The following PTPN9 variants were observed in gnomAD, a reference collection of about 807,000 sequenced individuals.
PTPN9 encodes tyrosine-protein phosphatase non-receptor type 9.
Under a neutral mutation model 69.8 loss-of-function variants are expected in PTPN9, and 26 were observed. The observed-to-expected ratio is 0.37, with a 90% CI of 0.27 to 0.52. The LOEUF is 0.52. Ranked by LOEUF, PTPN9 falls within the 20% of genes least tolerant of loss-of-function variation. The probability of loss-of-function intolerance (pLI) is 0.91; values close to 1 mark genes in which losing one functional copy is unlikely to be tolerated. For synonymous variants in PTPN9, 274 were observed against 272.5 expected (o/e 1.01, Z -0.05); for missense variants, 549 against 740.3 (o/e 0.74, Z 3.00).
At chr15:75,547,175 G>A (rs952670178) in intron 1 of PTPN9, among the ~76,000 whole-genome samples, 2 of 151,194 alleles carry the variant, frequency 1.3e-5, no homozygotes, top group African/African-American at 4.9e-5. Flanking sequence ...TGCACCTGTA[G>A]TCCTAGCTAC....
At chr15:75,485,560 C>T (rs1215929650) in intron 8 of PTPN9, among the ~76,000 whole-genome samples, 13 of 148,520 alleles carry the variant, frequency 8.8e-5, no homozygotes, top group South Asian at 4.3e-4. Flanking sequence ...TTAGTAGAGA[C>T]GGGGTTTCAC....
intron 1 of PTPN9, among the ~76,000 whole-genome samples, chr15:75,576,552 G>A (rs2075174614): frequency 6.6e-6 from 1 of 151,438 alleles, no homozygotes; most frequent in Non-Finnish European, 1.5e-5. Flanking sequence ...ACTCACGACT[G>A]TAATCCCAGC....
At chr15:75,513,899 G>A (rs1441341170) in intron 5 of PTPN9, among the ~76,000 whole-genome samples, 1 of 151,626 alleles carries the variant, frequency 6.6e-6, no homozygotes, top group Non-Finnish European at 1.5e-5. Context: ...AGGAGTTAGA[G>A]TCTAGCCTGG....
chr15:75,569,649 G>A (rs2075140207), intron 1 of PTPN9, among the ~76,000 whole-genome samples: 1 of 141,020 alleles, frequency 7.1e-6, no homozygotes, highest in Non-Finnish European at 1.5e-5. Context: ...AGGTTGCAGT[G>A]AGCGGAGATA....
At chr15:75,485,544 AT>A (rs1288056979) in intron 8 of PTPN9, among the ~76,000 whole-genome samples, 5 of 146,088 alleles carry the variant, frequency 3.4e-5, no homozygotes, top group African/African-American at 1.3e-4. Flanking sequence ...AATTTTTTGT[AT>A]TTTTTTAGTA....
chr15:75,551,463 G>T (rs1018213279), intron 1 of PTPN9, among the ~76,000 whole-genome samples: 1 of 152,126 alleles, frequency 6.6e-6, no homozygotes, highest in African/African-American at 2.4e-5. Flanking sequence ...GGGTTCAAGT[G>T]ATTCTCCTGC....
At chr15:75,490,852 C>T (rs982529939) in intron 7 of PTPN9, among the ~76,000 whole-genome samples, 6 of 152,066 alleles carry the variant, frequency 3.9e-5, no homozygotes, top group African/African-American at 1.4e-4. Context: ...GTCTCGATCT[C>T]CTGACCTCAT....
chr15:75,554,356 G>T (rs1004137835), intron 1 of PTPN9, among the ~76,000 whole-genome samples: 15 of 151,936 alleles, frequency 9.9e-5, no homozygotes, highest in Admixed American at 3.3e-4. Flanking sequence ...CACCACGCCC[G>T]GCTAATTTTG....
intron 8 of PTPN9, among the ~76,000 whole-genome samples, chr15:75,484,445 C>T (rs905163892): frequency 6.6e-6 from 1 of 152,214 alleles, no homozygotes; most frequent in Non-Finnish European, 1.5e-5. Flanking sequence ...TGCAAAGCAA[C>T]TTCCAGTCAA....
At chr15:75,563,359 T>C (rs180902457) in intron 1 of PTPN9, among the ~76,000 whole-genome samples, 2 of 152,110 alleles carry the variant, frequency 1.3e-5, no homozygotes, top group South Asian at 4.1e-4. Context: ...CAGCTAACTT[T>C]GGTATTTTTA....
At chr15:75,551,322 C>T (rs2075055727) in intron 1 of PTPN9, among the ~76,000 whole-genome samples, 1 of 152,104 alleles carries the variant, frequency 6.6e-6, no homozygotes, top group South Asian at 2.1e-4. Flanking sequence ...CATGATACAA[C>T]CAAGATTGCA....
chr15:75,480,579 T>A (rs1480841801), intron 8 of PTPN9: 6 of 926,484 alleles, frequency 6.5e-6, no homozygotes, highest in African/African-American at 1.8e-5. Context: ...CGGGTGGTGG[T>A]TGGCGCGGCT....
chr15:75,530,728 TATATATTATTATATAATATATATAATATA>T (rs2074957352), intron 1 of PTPN9, among the ~76,000 whole-genome samples: 3 of 22,252 alleles, frequency 1.3e-4, no homozygotes, highest in Non-Finnish European at 1.9e-4. Flanking sequence ...ATATATATAA[TATATATTATTATATAATATATATAATATA>T]ATATATTATT....
chr15:75,524,133 A>AAAC, intron 3 of PTPN9, 76 bp downstream of exon 3: 1 of 722,924 alleles, frequency 1.4e-6, no homozygotes, highest in African/African-American at 1.8e-5. Context: ...AAAAAAAAAA[A>AAAC]AAACAAAGTC....
At chr15:75,515,235 G>A (rs1444493877) in intron 5 of PTPN9, among the ~76,000 whole-genome samples, 1 of 151,400 alleles carries the variant, frequency 6.6e-6, no homozygotes, top group East Asian at 2.0e-4. Flanking sequence ...AGACCATCTT[G>A]GCTAACATGG....
chr15:75,554,869 C>T (rs1342637430), intron 1 of PTPN9, among the ~76,000 whole-genome samples: 3 of 152,130 alleles, frequency 2.0e-5, no homozygotes, highest in East Asian at 3.9e-4. Context: ...ACTCTCAGGG[C>T]AACTAACACT....
At chr15:75,540,558 A>G (rs1338021445) in intron 1 of PTPN9, among the ~76,000 whole-genome samples, 2 of 92,388 alleles carry the variant, frequency 2.2e-5, no homozygotes, top group African/African-American at 3.8e-5. Flanking sequence ...AAAAAAAAAA[A>G]AAAAGAAAGA....
chr15:75,525,812 G>T (rs189056085), intron 2 of PTPN9, among the ~76,000 whole-genome samples: 1 of 151,144 alleles, frequency 6.6e-6, no homozygotes, highest in Non-Finnish European at 1.5e-5. Context: ...CCAGCTACTC[G>T]GGAGGCTAAG....
rs369394734 is a variant in PTPN9, at chr15:75,466,592, G to A, written c.*2177C>T. On this transcript the variant is annotated 3_prime_UTR_variant, in exon 13 of 13. Coordinates refer to ENST00000618819, the MANE Select transcript of PTPN9 (RefSeq NM_002833.4). ...AGTCACCAACCCTGTCACCCTTCGC[G>A]TCTACTACATGAAGCATGGGCACAA... is the stretch of plus-strand genomic sequence containing the variant. The A allele has an allele frequency of 1.3e-5, 2 of 152,132 alleles. No homozygotes were observed. Among genetic ancestry groups the A allele is most frequent in the East Asian group, 3.8e-4 (2 of 5,204 alleles). 9.4% of individuals were successfully genotyped at this position (152,132 alleles called of 1,614,324 possible).
Sources: gnomAD v4.1 joint callset for allele counts (sites outside exome capture counted in the v4.1 genomes callset) on GRCh38, gnomAD v4.1.1 for gene constraint, MANE v1.5 for transcripts, NCBI Gene and HGNC (gene_info 2026-07-23, HGNC 2026-07-21) for gene names.